The following NAA30 variants were observed in gnomAD, a reference collection of about 807,000 sequenced individuals.
NAA30 encodes N-alpha-acetyltransferase 30.
A neutral mutation model predicts 31.4 loss-of-function variants in NAA30; 5 were observed. The observed-to-expected ratio is 0.16, with a 90% CI of 0.08 to 0.33. NAA30 has a LOEUF of 0.33. Ranked by LOEUF, NAA30 falls within the 10% of genes least tolerant of loss-of-function variation. The probability of loss-of-function intolerance (pLI) is 1.00; values close to 1 mark genes in which losing one functional copy is unlikely to be tolerated. For synonymous variants in NAA30, 222 were observed against 207.1 expected (o/e 1.07, Z -0.62); for missense variants, 428 against 490.8 (o/e 0.87, Z 1.21).
chr14:57,391,193 A>G lies in NAA30; in HGVS notation c.236A>G (p.Gln79Arg). The G allele has an allele frequency of 1.2e-6, 2 of 1,611,294 alleles. No individual in the cohort carries two copies. The highest frequency in any genetic ancestry group is 1.1e-5 in the South Asian group (1 of 91,020). The change falls in exon 2 of 5, where the codon CAG (glutamine) becomes CGG (arginine). Residue 79 changes from glutamine to arginine, a missense_variant. Gln to Arg is a conservative substitution (Grantham distance 43). This residue lies in a region of NAA30 where 349 missense variants were observed against 310.4 expected (regional missense o/e 1.12). Transcript: ENST00000556492. This position sits in a 1 kb window ranked among gnomAD's most constrained non-coding sequence, Gnocchi z 4.1. ...TGCCTCCGCTGCCCTCAGCCGCCGC[A>G]GGAGCAGCAGCAGCTCAACGGATTG... ...HPCLRCPQPPQEQQQLNGLIS... is the reference protein window; with the variant it reads ...HPCLRCPQPPREQQQLNGLIS...
At chr14:57,403,268 CTG>C (rs2066485031) in intron 4 of NAA30, among the ~76,000 whole-genome samples, 1 of 149,276 alleles carries the variant, frequency 6.7e-6, no homozygotes. Context: ...TTGGAAATCT[CTG>C]TGAAACCTTA....
chr14:57,405,794 C>T (rs770764806), intron 4 of NAA30, among the ~76,000 whole-genome samples: 7 of 152,202 alleles, frequency 4.6e-5, no homozygotes, highest in Non-Finnish European at 8.8e-5. Flanking sequence ...TAGCAGTGAA[C>T]AAGCCTGCTC....
At chr14:57,406,851 C>T (rs946251128) in intron 4 of NAA30, among the ~76,000 whole-genome samples, 1 of 152,024 alleles carries the variant, frequency 6.6e-6, no homozygotes, top group African/African-American at 2.4e-5. Flanking sequence ...GTATGACATA[C>T]GTTACTAGAA....
chr14:57,396,907 C>T (rs1566548966), intron 3 of NAA30, 32 bp downstream of exon 3: 1 of 1,603,160 alleles, frequency 6.2e-7, no homozygotes, highest in Admixed American at 1.7e-5. Flanking sequence ...GGAAAGAATG[C>T]CTAAGCTATT....
intron 2 of NAA30, among the ~76,000 whole-genome samples, chr14:57,396,122 A>G (rs1359928954): frequency 6.6e-6 from 1 of 152,090 alleles, no homozygotes; most frequent in Non-Finnish European, 1.5e-5. Flanking sequence ...CTACAGGTGC[A>G]TGCCACCACA....
Position 57,390,940 on chromosome 14 carries a change from G to A in NAA30, c.-1-17G>A, listed in dbSNP as rs757153922. On this transcript the variant is annotated splice_polypyrimidine_tract_variant and intron_variant, in intron 1 of 4. Coordinates refer to ENST00000556492, the MANE Select transcript of NAA30 (RefSeq NM_001011713.3). ...CCGGGTTTCATGGCCTCCCCTCTCG[G>A]TCTGTGTCGCTTCTAGGATGGCGGA... 2.9e-5 allele frequency: 42 copies of A among 1,467,572 alleles called. No homozygotes were observed. Among genetic ancestry groups the A allele is most frequent in the Non-Finnish European group, 3.8e-5 (42 of 1,115,006 alleles). 90.9% of individuals were successfully genotyped at this position (1,467,572 alleles called of 1,614,324 possible).
At chr14:57,397,590 G>T (rs1373939890) in intron 3 of NAA30, among the ~76,000 whole-genome samples, 2 of 152,090 alleles carry the variant, frequency 1.3e-5, no homozygotes, top group African/African-American at 4.8e-5. Flanking sequence ...TCTATGGCTG[G>T]GTTAGATAAC....
Position 57,410,310 on chromosome 14 carries a change from A to G in NAA30, c.*794A>G, listed in dbSNP as rs1363743035. ...TTCCTTACAGTAACAAGTTGAATCT[A>G]CTTGGAAAATTGAGAAATGGCTCAA... is the stretch of plus-strand genomic sequence containing the variant. On this transcript the variant is annotated 3_prime_UTR_variant, in exon 5 of 5. Coordinates refer to ENST00000556492, the MANE Select transcript of NAA30 (RefSeq NM_001011713.3). 6.6e-6 allele frequency: 1 copy of G among 152,606 alleles called. No homozygotes were observed. Among genetic ancestry groups the G allele is most frequent in the Admixed American group, 6.5e-5 (1 of 15,282 alleles). 9.5% of individuals were successfully genotyped at this position (152,606 alleles called of 1,614,324 possible).
intron 1 of NAA30, 56 bp downstream of exon 1, chr14:57,390,761 C>A: frequency 2.2e-6 from 1 of 453,128 alleles, no homozygotes; most frequent in Admixed American, 5.3e-5. Flanking sequence ...CCCGGGCGGA[C>A]GGGGACGGTG....
Position 57,391,391 on chromosome 14 carries a change from A to G in NAA30, c.434A>G (p.Asn145Ser). 1 of 1,609,510 alleles carries G rather than the reference A, an allele frequency of 6.2e-7. No individual in the cohort carries two copies. Among genetic ancestry groups the G allele is most frequent in the East Asian group, 2.2e-5 (1 of 44,774 alleles). Residue 145 changes from asparagine (N) to serine (S), a missense_variant, in exon 2 of 5, where the codon AAT becomes AGT. By Grantham distance (46) the Asn-to-Ser change is conservative. This residue lies in a region of NAA30 where 349 missense variants were observed against 310.4 expected (regional missense o/e 1.12). Transcript: ENST00000556492. This position sits in a 1 kb window ranked among gnomAD's most constrained non-coding sequence, Gnocchi z 4.1. Reference sequence around the variant, plus strand: ...AGGCCCCCTCACTCCCTCTCTAGTAATGCAAGAACTGCGGTCCCCAGCCCG... The same window carrying G: ...AGGCCCCCTCACTCCCTCTCTAGTAGTGCAAGAACTGCGGTCCCCAGCCCG... ...GERPPHSLSS[N>S]ARTAVPSPVE...
intron 2 of NAA30, among the ~76,000 whole-genome samples, chr14:57,395,325 C>T (rs1471765938): frequency 6.6e-6 from 1 of 151,966 alleles, no homozygotes; most frequent in Non-Finnish European, 1.5e-5. Flanking sequence ...AAAAAAAGGC[C>T]TTTTAATCAA....
Position 57,415,347 on chromosome 14 carries a change from G to A in NAA30, c.*5831G>A, listed in dbSNP as rs2066542586. 6.6e-6 allele frequency: 1 copy of A among 152,148 alleles called. No individual in the cohort carries two copies. Among genetic ancestry groups the A allele is most frequent in the African/African-American group, 2.4e-5 (1 of 41,442 alleles). 9.4% of individuals were successfully genotyped at this position (152,148 alleles called of 1,614,324 possible). On this transcript the variant is annotated 3_prime_UTR_variant, in exon 5 of 5. Coordinates refer to ENST00000556492, the MANE Select transcript of NAA30 (RefSeq NM_001011713.3). ...TTGTTCATTTACAACTGCAAAGATT[G>A]TATGTCTCCTATGTTTTCCTTTCAT...
intron 4 of NAA30, 138 bp from the exon 5 acceptor site, chr14:57,409,241 A>T: frequency 2.8e-6 from 2 of 705,192 alleles, no homozygotes; most frequent in South Asian, 2.2e-5. Flanking sequence ...ACTGTTTTTG[A>T]GTTCTTTCTG....
intron 4 of NAA30, among the ~76,000 whole-genome samples, chr14:57,406,927 C>T (rs2066500544): frequency 6.6e-6 from 1 of 152,150 alleles, no homozygotes; most frequent in Non-Finnish European, 1.5e-5. Flanking sequence ...GAGTCTCGCT[C>T]TGTCACCCAG....
intron 3 of NAA30, 68 bp downstream of exon 3, chr14:57,396,943 A>C: frequency 6.7e-7 from 1 of 1,502,174 alleles, no homozygotes; most frequent in Non-Finnish European, 9.1e-7. Flanking sequence ...TTTTGAAATA[A>C]AAGACTTAAA....
intron 3 of NAA30, among the ~76,000 whole-genome samples, chr14:57,398,743 C>G (rs2066461556): frequency 6.6e-6 from 1 of 152,128 alleles, no homozygotes; most frequent in South Asian, 2.1e-4. Flanking sequence ...AGTGATTTTC[C>G]TGCCTCCGCC....
At chr14:57,407,752 G>A (rs541407157) in intron 4 of NAA30, among the ~76,000 whole-genome samples, 2 of 152,310 alleles carry the variant, frequency 1.3e-5, no homozygotes, top group East Asian at 1.9e-4. Flanking sequence ...ACGGTTTTAA[G>A]TAGAGAATTA....
rs76766018 is a variant in NAA30 at position 57,407,528 on chromosome 14, C to T, written c.952-1851C>T. ...CCAAAAGAGAGGAGGATAGGAAGAG[C>T]ATTCTTCTAGACAGAAAACAGTTTA... On this transcript the variant is annotated intron_variant, in intron 4 of 4. Coordinates refer to ENST00000556492, the MANE Select transcript of NAA30 (RefSeq NM_001011713.3). Among the ~76,000 whole-genome samples, 195 of 152,252 alleles carry T rather than the reference C, an allele frequency of 1.3e-3. 4 individuals carry two copies. The East Asian group carries it at 0.026, about 21-fold the overall frequency.
rs1303794661 is a variant in NAA30 at position 57,391,111 on chromosome 14, G to T, written c.154G>T (p.Gly52Cys). 9 of 1,575,246 alleles carry T rather than the reference G, an allele frequency of 5.7e-6. No individual in the cohort carries two copies. Among genetic ancestry groups the T allele is most frequent in the Non-Finnish European group, 7.7e-6 (9 of 1,163,826 alleles). The change falls in exon 2 of 5, where the codon GGC (glycine) becomes TGC (cysteine). Residue 52 changes from glycine (G) to cysteine (C), a missense_variant. Physicochemically the swap from Gly to Cys is radical, Grantham distance 159. Coordinates refer to ENST00000556492, the MANE Select transcript of NAA30 (RefSeq NM_001011713.3). The surrounding 1 kb of genome is among the most constrained non-coding windows in gnomAD (Gnocchi z 4.1). ...GGACGACGAAGAGCACGAAGGCGGC[G>T]GCAGCAGGAGCCCGGCGGGCGGAGA... ...EEDDEEHEGG[G>C]SRSPAGGESA...
Sources: allele counts gnomAD v4.1 joint callset (sites outside exome capture counted in the v4.1 genomes callset), GRCh38; gene constraint gnomAD v4.1.1; regional missense constraint gnomAD v4.1.1; non-coding constraint Gnocchi (gnomAD v3.1); transcripts MANE v1.5; gene names NCBI Gene and HGNC (gene_info 2026-07-23, HGNC 2026-07-21).